IGSF11: variants seen among roughly 807,000 people sequenced by gnomAD.
IGSF11 encodes immunoglobulin superfamily member 11, also known as CXADR like 1.
Under a neutral mutation model 41.0 loss-of-function variants are expected in IGSF11, and 22 were observed. The ratio of observed to expected loss-of-function variants is 0.54; its 90% CI spans 0.38 to 0.77. The LOEUF is 0.77. IGSF11 is among the 30% of genes least tolerant of loss of function. IGSF11 has a pLI of 0.00. For synonymous variants in IGSF11, 219 were observed against 201.3 expected (o/e 1.09, Z -0.74); for missense variants, 444 against 530.8 (o/e 0.84, Z 1.61).
chr3:119,036,271 T>C (rs1940896732), upstream of IGSF11, among the ~76,000 whole-genome samples: 1 of 152,228 alleles, frequency 6.6e-6, no homozygotes, highest in African/African-American at 2.4e-5. Flanking sequence ...AGTAGAGTTT[T>C]TCATATTAAT....
intron 1 of IGSF11, among the ~76,000 whole-genome samples, chr3:119,087,923 T>C (rs2076703109): frequency 6.6e-6 from 1 of 152,138 alleles, no homozygotes; most frequent in African/African-American, 2.4e-5. Flanking sequence ...CCAAGATTCA[T>C]AAAACAAGTT....
In IGSF11 at chr3:118,905,657, C is replaced by T; in HGVS notation, c.642G>A (p.Gln214=). The change falls in exon 5 of 7, where the codon CAG becomes CAA. Residue 214 remains glutamine (Q), a synonymous_variant. Transcript: ENST00000393775. ...TTCCAATAGCATTAGAAGCCACGCA[C>T]TGGTACAAACCTGAAGACAGGGCAC... ...NISALSSGLY[Q]CVASNAIGTS... 1 of 1,613,886 alleles carries T rather than the reference C, an allele frequency of 6.2e-7. No individual in the cohort carries two copies. Among genetic ancestry groups the T allele is most frequent in the Non-Finnish European group, 8.5e-7 (1 of 1,179,834 alleles).
intron 1 of IGSF11, among the ~76,000 whole-genome samples, chr3:119,069,470 A>G (rs1942335639): frequency 6.6e-6 from 1 of 152,214 alleles, no homozygotes; most frequent in African/African-American, 2.4e-5. Context: ...TTTTATGAAT[A>G]AAATATAATT....
chr3:119,036,841 A>G (rs1940932849), upstream of IGSF11, among the ~76,000 whole-genome samples: 1 of 152,220 alleles, frequency 6.6e-6, no homozygotes, highest in South Asian at 2.1e-4. Context: ...CTACTGAGTC[A>G]TTAAGAGGAC....
chr3:118,959,930 A>G (rs533016253), intron 1 of IGSF11, among the ~76,000 whole-genome samples: 109 of 152,192 alleles, frequency 7.2e-4, no homozygotes, highest in African/African-American at 2.3e-3. Context: ...CTGTAGCCCC[A>G]GCTACTCGGG....
chr3:119,010,362 G>A (rs1326233838), intron 1 of IGSF11, among the ~76,000 whole-genome samples: 3 of 152,226 alleles, frequency 2.0e-5, no homozygotes, highest in African/African-American at 4.8e-5. Context: ...AGATGAGAGC[G>A]ACGGTTAATT....
intron 3 of IGSF11, among the ~76,000 whole-genome samples, chr3:118,926,791 G>T (rs182900198): frequency 1.3e-3 from 197 of 152,262 alleles, no homozygotes; most frequent in African/African-American, 3.7e-3. Context: ...GGATAATAAT[G>T]TAGTGAACAT....
At position 119,034,698 on chromosome 3, in the gene IGSF11, G is replaced by C. The variant is rs1940777172; in HGVS notation, c.-116C>G. 3.6e-6 allele frequency: 5 copies of C among 1,388,040 alleles called. No homozygotes were observed. The Admixed American group carries it at 1.5e-4, about 43-fold the overall frequency. 86.0% of individuals were successfully genotyped at this position (1,388,040 alleles called of 1,614,324 possible). ...GCCTGGTCCTCCCACACCCAGCGCCGGGCCGCTGTTCCCCGCGCAGAGCTG... is the reference window on the plus strand; with the variant it reads ...GCCTGGTCCTCCCACACCCAGCGCCCGGCCGCTGTTCCCCGCGCAGAGCTG... On this transcript the variant is annotated 5_prime_UTR_variant, in exon 1 of 7. Coordinates refer to ENST00000393775, the MANE Select transcript of IGSF11 (RefSeq NM_001015887.3).
intron 1 of IGSF11, among the ~76,000 whole-genome samples, chr3:118,988,055 G>A (rs191539361): frequency 6.6e-6 from 1 of 152,120 alleles, no homozygotes; most frequent in African/African-American, 2.4e-5. Context: ...CAAAAGCAAG[G>A]GACAGAGTTC....
At chr3:119,045,155 T>G (rs1212646086) in intron 1 of IGSF11, among the ~76,000 whole-genome samples, 1 of 152,242 alleles carries the variant, frequency 6.6e-6, no homozygotes, top group Admixed American at 6.5e-5. Flanking sequence ...GATGGCCAAA[T>G]AGGAACAGCT....
chr3:118,981,690 G>C (rs1181471011), intron 1 of IGSF11: 1 of 152,374 alleles, frequency 6.6e-6, no homozygotes, highest in African/African-American at 2.4e-5. Flanking sequence ...ATACTGTGCA[G>C]ATATGCCACA....
intron 1 of IGSF11, among the ~76,000 whole-genome samples, chr3:119,132,084 C>A (rs1559884410): frequency 6.6e-6 from 1 of 152,122 alleles, no homozygotes; most frequent in Non-Finnish European, 1.5e-5. Flanking sequence ...CCAGTACCAG[C>A]CACTGCAAAA....
At chr3:119,103,942 C>A (rs1266975690) in intron 1 of IGSF11, among the ~76,000 whole-genome samples, 1 of 152,060 alleles carries the variant, frequency 6.6e-6, no homozygotes, top group Non-Finnish European at 1.5e-5. Context: ...CTTGGTAATG[C>A]CCCCTCATAT....
chr3:118,903,576 TC>T (rs1939189598), intron 6 of IGSF11, among the ~76,000 whole-genome samples: 1 of 152,184 alleles, frequency 6.6e-6, no homozygotes, highest in Non-Finnish European at 1.5e-5. Context: ...GAGGTTTTCC[TC>T]AGTAATCTTA....
chr3:119,116,259 T>A (rs1308580147), intron 1 of IGSF11, among the ~76,000 whole-genome samples: 1 of 152,168 alleles, frequency 6.6e-6, no homozygotes, highest in Non-Finnish European at 1.5e-5. Flanking sequence ...TATGCTCTTT[T>A]TTTTTCCTGC....
At chr3:118,962,054 C>T (rs1945372296) in intron 1 of IGSF11, among the ~76,000 whole-genome samples, 1 of 152,168 alleles carries the variant, frequency 6.6e-6, no homozygotes, top group Non-Finnish European at 1.5e-5. Context: ...GTTGGAAAGA[C>T]TTGGAGCTCA....
rs781293570 is a variant in IGSF11 at position 118,902,576 on chromosome 3, T to C, written c.1240A>G (p.Ile414Val). Residue 414 changes from isoleucine (I) to valine (V), a missense_variant, in exon 7 of 7, where the codon ATT (isoleucine) becomes GTT (valine). Ile to Val is a conservative substitution (Grantham distance 29, BLOSUM62 3). This residue lies in a region of IGSF11 where 223 missense variants were observed against 226.2 expected (regional missense o/e 0.99). Coordinates refer to ENST00000393775, the MANE Select transcript of IGSF11 (RefSeq NM_001015887.3). ...GGTACCATGACAGGTACTGCACCAA[T>C]TCGTTCCAGTGTTGCGTGGCTGATG... ...YTISHATLER[I>V]GAVPVMVPAQ... 4 of 1,611,950 alleles carry C rather than the reference T, an allele frequency of 2.5e-6. No individual in the cohort carries two copies. In the South Asian group the frequency reaches 3.3e-5, roughly 13 times the overall value.
At chr3:118,934,276 CT>C (rs1451946379) in intron 1 of IGSF11, among the ~76,000 whole-genome samples, 1 of 152,168 alleles carries the variant, frequency 6.6e-6, no homozygotes, top group African/African-American at 2.4e-5. Context: ...TGTAATCATT[CT>C]TGGACTCTGG....
chr3:118,960,231 C>A (rs1945253334), intron 1 of IGSF11, among the ~76,000 whole-genome samples: 1 of 151,662 alleles, frequency 6.6e-6, no homozygotes. Context: ...GAATATATAC[C>A]AAGAAAAAAA....
Sources: allele counts gnomAD v4.1 joint callset (sites outside exome capture counted in the v4.1 genomes callset), GRCh38; gene constraint gnomAD v4.1.1; regional missense constraint gnomAD v4.1.1; transcripts MANE v1.5; gene names NCBI Gene and HGNC (gene_info 2026-07-23, HGNC 2026-07-21).